Variants in MLKL observed in about 807,000 individuals in gnomAD.
MLKL encodes mixed lineage kinase domain like pseudokinase.
In MLKL, 55 loss-of-function variants were observed where a neutral mutation model predicts 56.5. The observed-to-expected ratio is 0.97, with a 90% confidence interval of 0.78 to 1.22. The LOEUF (loss-of-function observed/expected upper bound fraction) is 1.22, where lower values mean the gene tolerates loss of function less well. MLKL is among the 50% of genes most tolerant of loss of function. The pLI is 0.00. For missense variants in MLKL, 694 were observed against 573.9 expected, an observed-to-expected ratio of 1.21 and a Z score of -2.14; for synonymous variants, 251 against 208.3, an observed-to-expected ratio of 1.20 and a Z score of -1.76.
At chr16:74,693,968 T>C (rs1460206600) in intron 2 of MLKL, among the ~76,000 whole-genome samples, 2 of 152,170 alleles carry the variant, frequency 1.3e-5, no homozygotes, top group East Asian at 3.9e-4. Flanking sequence ...TGGGTGTATG[T>C]ATTGGGTTGT....
intron 7 of MLKL, chr16:74,676,479 C>G: frequency 1.0e-6 from 1 of 977,184 alleles, no homozygotes; most frequent in Non-Finnish European, 1.2e-6. Context: ...ATCCCCCTTT[C>G]ATTCATTCAT....
At chr16:74,691,035 A>G (rs10871295) in intron 4 of MLKL, among the ~76,000 whole-genome samples, 110,541 of 151,426 alleles carry the variant, frequency 0.73, 40,701 homozygotes, top group East Asian at 0.85. Flanking sequence ...CTGGGAAACA[A>G]GGTTGGAAGG....
intron 4 of MLKL, among the ~76,000 whole-genome samples, chr16:74,687,021 G>C (rs1293137155): frequency 6.6e-6 from 1 of 152,152 alleles, no homozygotes; most frequent in Non-Finnish European, 1.5e-5. Flanking sequence ...TTGTCGCCCA[G>C]GCTGAGTGCA....
At chr16:74,682,414 C>T (rs1018226150) in intron 6 of MLKL, among the ~76,000 whole-genome samples, 1 of 152,190 alleles carries the variant, frequency 6.6e-6, no homozygotes, top group African/African-American at 2.4e-5. Flanking sequence ...AATTAGGGCT[C>T]ATCCAACTCT....
At chr16:74,686,115 A>G (rs576345487) in intron 4 of MLKL, among the ~76,000 whole-genome samples, 7 of 152,198 alleles carry the variant, frequency 4.6e-5, no homozygotes, top group African/African-American at 1.2e-4. Flanking sequence ...GCGTGCCACC[A>G]TGCTTGGCTA....
In MLKL at chr16:74,692,375, T is replaced by C; in HGVS notation, c.502A>G (p.Asn168Asp). ...AAAGTTTCCTTGATTTCTTTCATGTTGATTTCTAATCGTCTCAGTGAAGCT... is the reference window on the plus strand; with the variant it reads ...AAAGTTTCCTTGATTTCTTTCATGTCGATTTCTAATCGTCTCAGTGAAGCT... Reference protein sequence around the residue: ...IEASLRRLEINMKEIKETLRQ... With the variant: ...IEASLRRLEIDMKEIKETLRQ... The change falls in exon 3 of 11, where the codon AAC becomes GAC. Residue 168 changes from asparagine to aspartate, a missense_variant. Asn to Asp is a conservative substitution (Grantham distance 23). Transcript: ENST00000308807. 6.2e-7 allele frequency: 1 copy of C among 1,614,014 alleles called. No individual in the cohort carries two copies.
At chr16:74,700,115 G>A (rs1375010255) in intron 1 of MLKL, among the ~76,000 whole-genome samples, 2 of 152,012 alleles carry the variant, frequency 1.3e-5, no homozygotes, top group African/African-American at 4.8e-5. Context: ...AGGTTATCAG[G>A]CATTTCCCTC....
chr16:74,682,691 G>T lies in MLKL; in HGVS notation c.916C>A (p.Arg306Ser), dbSNP rs145371410. ...DREKDLTLGK[R>S]MVLVLGAARG... Reference sequence around the variant, plus strand: ...GCTGCCCCCAGGACTAGGACCATGCGCTTGCCAAGTGTGAGGTCTTTTTCC... The same window carrying T: ...GCTGCCCCCAGGACTAGGACCATGCTCTTGCCAAGTGTGAGGTCTTTTTCC... Residue 306 changes from arginine to serine, a missense_variant, in exon 6 of 11, where the codon CGC becomes AGC. By Grantham distance (110) the Arg-to-Ser change is moderately radical (BLOSUM62 -1). Transcript: ENST00000308807. 1 of 1,614,090 alleles carries T rather than the reference G, an allele frequency of 6.2e-7. No individual in the cohort carries two copies. The highest frequency in any genetic ancestry group is 8.5e-7 in the Non-Finnish European group (1 of 1,180,016).
intron 1 of MLKL, among the ~76,000 whole-genome samples, chr16:74,696,438 G>A (rs1022719862): frequency 6.6e-6 from 1 of 151,438 alleles, no homozygotes; most frequent in African/African-American, 2.4e-5. Context: ...TAAAACATGT[G>A]GACTATCTTT....
At chr16:74,675,189 C>T in intron 9 of MLKL, 89 bp from the exon 10 acceptor site, 1 of 1,567,512 alleles carries the variant, frequency 6.4e-7, no homozygotes, top group Non-Finnish European at 8.7e-7. Context: ...GAACTAGGGA[C>T]TCTGAGTATG....
chr16:74,680,699 G>A (rs903107202), intron 6 of MLKL, among the ~76,000 whole-genome samples: 1 of 152,112 alleles, frequency 6.6e-6, no homozygotes, highest in Admixed American at 6.6e-5. Flanking sequence ...GAGAGACGAG[G>A]TTTCACCGTG....
chr16:74,675,109 G>A lies in MLKL; in HGVS notation c.1241-9C>T. Reference sequence around the variant, plus strand: ...CTTCTCAGAATTACAGCCTGGAAATGATAGCATGAGAGCCTCAAAAAATTG... The same window carrying A: ...CTTCTCAGAATTACAGCCTGGAAATAATAGCATGAGAGCCTCAAAAAATTG... On this transcript the variant is annotated splice_polypyrimidine_tract_variant and intron_variant, in intron 9 of 10. Coordinates refer to ENST00000308807, the MANE Select transcript of MLKL (RefSeq NM_152649.4). The A allele has an allele frequency of 6.2e-7, 1 of 1,613,480 alleles. No individual in the cohort carries two copies. The highest frequency in any genetic ancestry group is 8.5e-7 in the Non-Finnish European group (1 of 1,179,740).
Position 74,692,265 on chromosome 16 carries a change from G to A in MLKL, c.535+77C>T, listed in dbSNP as rs111295110. ...GAAAATGGACAAATGCAGGGGTAGC[G>A]GGAGGCTGGGGTCCCAGTAAACTGA... On this transcript the variant is annotated intron_variant, in intron 3 of 10. Coordinates refer to ENST00000308807, the MANE Select transcript of MLKL (RefSeq NM_152649.4). 2.2e-4 allele frequency: 279 copies of A among 1,292,698 alleles called. No homozygotes were observed. In the African/African-American group the frequency reaches 3.3e-3, roughly 15 times the overall value. The allele number at this position is 1,292,698 out of a possible 1,614,324, so 80.1% of individuals were successfully genotyped here. A position where few individuals can be genotyped will look rare whatever the true frequency, so the allele number is the denominator to read the frequency against.
intron 7 of MLKL, chr16:74,676,119 C>T (rs565981372): frequency 5.7e-5 from 22 of 382,754 alleles, no homozygotes; most frequent in African/African-American, 2.8e-4. Flanking sequence ...GACTGAACTC[C>T]ACTCAGTGAG....
intron 1 of MLKL, among the ~76,000 whole-genome samples, chr16:74,698,761 C>T (rs374499543): frequency 6.6e-6 from 1 of 152,108 alleles, no homozygotes; most frequent in Admixed American, 6.6e-5. Flanking sequence ...GGGAAAATAT[C>T]CCACCCATAG....
intron 10 of MLKL, among the ~76,000 whole-genome samples, chr16:74,674,025 A>C (rs1959412700): frequency 6.6e-6 from 1 of 152,078 alleles, no homozygotes; most frequent in Non-Finnish European, 1.5e-5. Flanking sequence ...GGAAGAAAGT[A>C]ATCTGCCTTT....
rs112051972 is a variant in MLKL, at chr16:74,694,856, T to TTTTGTTTGTTTG, written c.460+430_460+441dup. 3.7e-3 allele frequency among the ~76,000 whole-genome samples: 553 copies of TTTTGTTTGTTTG among 150,928 alleles called. 4 individuals carry two copies. Among genetic ancestry groups the TTTTGTTTGTTTG allele is most frequent in the South Asian group, 0.02 (95 of 4,764 alleles). On this transcript the variant is annotated intron_variant, in intron 2 of 10. Transcript: ENST00000308807. ...TATCTGGGCCAAAGGATGTTAGGAG[T>TTTTGTTTGTTTG]TTTGTTTGTTTGTTTGTTTGTTTGT...
At chr16:74,686,305 G>A (rs997512023) in intron 4 of MLKL, among the ~76,000 whole-genome samples, 4 of 152,144 alleles carry the variant, frequency 2.6e-5, no homozygotes, top group South Asian at 2.1e-4. Flanking sequence ...ATACTAGGCC[G>A]GGCGTGGTGG....
intron 5 of MLKL, among the ~76,000 whole-genome samples, chr16:74,683,918 C>A (rs73612472): frequency 6.6e-6 from 1 of 152,110 alleles, no homozygotes; most frequent in Non-Finnish European, 1.5e-5. Flanking sequence ...CCAAGGAGAA[C>A]AAACGTTGCT....
Sources: gnomAD v4.1 joint callset for allele counts (sites outside exome capture counted in the v4.1 genomes callset) on GRCh38, gnomAD v4.1.1 for gene constraint, MANE v1.5 for transcripts, NCBI Gene and HGNC (gene_info 2026-07-23, HGNC 2026-07-21) for gene names.